KHDRBS3: variants seen among roughly 807,000 people sequenced by gnomAD.
KHDRBS3 encodes the protein KH RNA binding domain containing, signal transduction associated 3, also known as KH domain-containing, RNA-binding, signal transduction-associated protein 3.
Under a neutral mutation model 45.6 loss-of-function variants are expected in KHDRBS3, and 23 were observed. That is an observed-to-expected ratio of 0.50 (90% confidence interval 0.36 to 0.72). The LOEUF (loss-of-function observed/expected upper bound fraction) is 0.72. Among genes scored for constraint, KHDRBS3 ranks in the 30% least tolerant of loss-of-function variants. KHDRBS3 has a pLI of 0.00. For missense variants in KHDRBS3, 352 were observed against 424.8 expected (o/e 0.83, Z 1.51); for synonymous variants, 162 against 156.5 (o/e 1.04, Z -0.26).
chr8:135,498,273 G>A (rs1823559719), intron 1 of KHDRBS3, among the ~76,000 whole-genome samples: 1 of 151,744 alleles, frequency 6.6e-6, no homozygotes, highest in Admixed American at 6.6e-5. Flanking sequence ...GAATGCCTCA[G>A]CAGCAGTCTT....
At chr8:135,595,100 G>A (rs775709499) in intron 6 of KHDRBS3, among the ~76,000 whole-genome samples, 2 of 152,130 alleles carry the variant, frequency 1.3e-5, no homozygotes, top group Non-Finnish European at 2.9e-5. Flanking sequence ...AAGAAGAATG[G>A]CACAGAATAG....
chr8:135,555,077 C>G (rs1371931386), intron 4 of KHDRBS3, among the ~76,000 whole-genome samples: 1 of 152,172 alleles, frequency 6.6e-6, no homozygotes. Context: ...CCACCTTTCA[C>G]CCAAACTATT....
intron 4 of KHDRBS3, among the ~76,000 whole-genome samples, chr8:135,556,278 A>G (rs535177756): frequency 6.6e-6 from 1 of 152,268 alleles, no homozygotes; most frequent in East Asian, 1.9e-4. Context: ...GTCAAATGGT[A>G]TTTCTAGTTC....
At chr8:135,620,614 A>T (rs1830098446) in intron 7 of KHDRBS3, among the ~76,000 whole-genome samples, 1 of 152,172 alleles carries the variant, frequency 6.6e-6, no homozygotes, top group Admixed American at 6.5e-5. Context: ...TTTTGAAGAT[A>T]TTGTGGTTTT....
intron 7 of KHDRBS3, among the ~76,000 whole-genome samples, chr8:135,616,625 C>T (rs184521368): frequency 2.0e-5 from 3 of 152,176 alleles, no homozygotes; most frequent in Non-Finnish European, 2.9e-5. Flanking sequence ...ACAGTACTTA[C>T]GATCAACCAT....
chr8:135,486,176 A>T (rs1822854277), intron 1 of KHDRBS3, among the ~76,000 whole-genome samples: 1 of 152,100 alleles, frequency 6.6e-6, no homozygotes, highest in Admixed American at 6.5e-5. Flanking sequence ...TGATGAGGTG[A>T]GTCTCTTTCC....
At chr8:135,585,992 C>T (rs529505407) in intron 6 of KHDRBS3, among the ~76,000 whole-genome samples, 19 of 152,196 alleles carry the variant, frequency 1.2e-4, no homozygotes, top group African/African-American at 3.9e-4. Context: ...TAGCACTGGA[C>T]GGGTAGTCAC....
chr8:135,548,978 T>G, intron 4 of KHDRBS3, 78 bp downstream of exon 4: 1 of 1,015,696 alleles, frequency 9.8e-7, no homozygotes, highest in Non-Finnish European at 1.4e-6. Flanking sequence ...TGTCTGTAAC[T>G]GTTATTTGCA....
At position 135,647,183 on chromosome 8, in the gene KHDRBS3, G is replaced by A. The variant is rs3184618; in HGVS notation, c.*99G>A. On this transcript the variant is annotated 3_prime_UTR_variant, in exon 9 of 9. Coordinates refer to ENST00000355849, the MANE Select transcript of KHDRBS3 (RefSeq NM_006558.3). ...GAACAATCCCTTTTTAAATAAATCA[G>A]AATGCTTAAAATCTGAATGGATGGA... 384,308 of 441,256 alleles carry A rather than the reference G, an allele frequency of 0.87. 167,508 individuals carry two copies. The highest frequency in any genetic ancestry group is 0.99 in the East Asian group (27,390 of 27,540). 27.3% of individuals were successfully genotyped at this position (441,256 alleles called of 1,614,324 possible). A position where few individuals can be genotyped will look rare whatever the true frequency, so the allele number is the denominator to read the frequency against.
chr8:135,538,202 G>A (rs1825870573), intron 2 of KHDRBS3, among the ~76,000 whole-genome samples: 1 of 152,148 alleles, frequency 6.6e-6, no homozygotes, highest in Non-Finnish European at 1.5e-5. Context: ...TTCCAAAGGG[G>A]CTTTTGGGTG....
chr8:135,566,700 A>G (rs972234283), intron 5 of KHDRBS3, among the ~76,000 whole-genome samples: 6 of 152,144 alleles, frequency 3.9e-5, no homozygotes, highest in Non-Finnish European at 5.9e-5. Flanking sequence ...ACAAAAAAAA[A>G]AGTTAAAAAT....
At chr8:135,577,779 G>T (rs1828014752) in intron 5 of KHDRBS3, among the ~76,000 whole-genome samples, 1 of 152,136 alleles carries the variant, frequency 6.6e-6, no homozygotes, top group South Asian at 2.1e-4. Context: ...CTGCTAGATT[G>T]TATAATAAGG....
intron 4 of KHDRBS3, among the ~76,000 whole-genome samples, chr8:135,554,309 A>G (rs1826768689): frequency 6.6e-6 from 1 of 152,102 alleles, no homozygotes; most frequent in Non-Finnish European, 1.5e-5. Flanking sequence ...TTCTTTTTGC[A>G]TGAATCTATT....
chr8:135,569,950 A>C (rs953570624), intron 5 of KHDRBS3, among the ~76,000 whole-genome samples: 3 of 152,218 alleles, frequency 2.0e-5, no homozygotes, highest in Admixed American at 1.3e-4. Flanking sequence ...AACAAAAACA[A>C]AAAACAAAAC....
chr8:135,624,924 T>C (rs560907329), intron 7 of KHDRBS3, among the ~76,000 whole-genome samples: 1 of 152,312 alleles, frequency 6.6e-6, no homozygotes, highest in South Asian at 2.1e-4. Flanking sequence ...CGCATCTGCA[T>C]GGTGAGCCCC....
At chr8:135,603,517 G>T (rs1354945196) in intron 6 of KHDRBS3, among the ~76,000 whole-genome samples, 3 of 152,086 alleles carry the variant, frequency 2.0e-5, no homozygotes, top group African/African-American at 4.8e-5. Flanking sequence ...GAACACTGTG[G>T]CTTGCAAATT....
At chr8:135,567,963 G>C (rs542357518) in intron 5 of KHDRBS3, among the ~76,000 whole-genome samples, 4 of 152,314 alleles carry the variant, frequency 2.6e-5, no homozygotes, top group Non-Finnish European at 5.9e-5. Flanking sequence ...TGCTACTTAA[G>C]GGGCACAGGA....
chr8:135,573,306 G>A (rs1306833590), intron 5 of KHDRBS3, among the ~76,000 whole-genome samples: 1 of 152,228 alleles, frequency 6.6e-6, no homozygotes, highest in African/African-American at 2.4e-5. Context: ...AAAAAATTTA[G>A]TATGTGTTTA....
chr8:135,457,973 A>T lies in KHDRBS3; in HGVS notation c.88+19A>T. The T allele has an allele frequency of 6.4e-7, 1 of 1,573,782 alleles. No homozygotes were observed. The highest frequency in any genetic ancestry group is 8.6e-7 in the Non-Finnish European group (1 of 1,161,352). On this transcript the variant is annotated intron_variant, in intron 1 of 8. Coordinates refer to ENST00000355849, the MANE Select transcript of KHDRBS3 (RefSeq NM_006558.3). The surrounding 1 kb of genome is among the most constrained non-coding windows in gnomAD (Gnocchi z 4.4). ...AACCAAGGTGAGGCGCCGGCCGTTA[A>T]CTGCCGGCCGGCGGCGGTTGGGGGC...
Sources: gnomAD v4.1 joint callset for allele counts (sites outside exome capture counted in the v4.1 genomes callset) on GRCh38, gnomAD v4.1.1 for gene constraint, Gnocchi (gnomAD v3.1) non-coding constraint, MANE v1.5 for transcripts, NCBI Gene and HGNC (gene_info 2026-07-23, HGNC 2026-07-21) for gene names.